Variants in CEP128 observed in about 807,000 individuals in gnomAD.
CEP128 encodes the protein centrosomal protein 128.
A neutral mutation model predicts 156.7 loss-of-function variants in CEP128; 132 were observed. That is an observed-to-expected ratio of 0.84 (90% CI 0.73 to 0.97). CEP128 has a LOEUF of 0.97. CEP128 is among the 50% of genes least tolerant of loss of function. CEP128 has a pLI of 0.00. For missense variants in CEP128, 1,252 were observed against 1,281.9 expected (o/e 0.98, Z 0.36); for synonymous variants, 469 against 448.9 (o/e 1.04, Z -0.57).
chr14:80,536,123 A>G (rs965598487), intron 21 of CEP128, among the ~76,000 whole-genome samples: 3 of 152,122 alleles, frequency 2.0e-5, no homozygotes, highest in Non-Finnish European at 2.9e-5. Context: ...TTTATTTCTG[A>G]CTGCAGGGAA....
At chr14:80,933,508 T>C (rs893830867) in intron 2 of CEP128, among the ~76,000 whole-genome samples, 2 of 152,184 alleles carry the variant, frequency 1.3e-5, no homozygotes, top group Admixed American at 1.3e-4. Context: ...TGTGAGCCTC[T>C]GCCAGCTGTA....
At chr14:80,533,327 T>C (rs2140284339) in intron 21 of CEP128, among the ~76,000 whole-genome samples, 1 of 152,288 alleles carries the variant, frequency 6.6e-6, no homozygotes. Flanking sequence ...AAAACTTTAT[T>C]TCCTTTTTTT....
At chr14:80,848,548 C>T (rs956009182) in intron 9 of CEP128, among the ~76,000 whole-genome samples, 3 of 151,964 alleles carry the variant, frequency 2.0e-5, no homozygotes, top group African/African-American at 7.3e-5. Flanking sequence ...GTAATTCCAA[C>T]TATTCAGGAG....
intron 20 of CEP128, among the ~76,000 whole-genome samples, chr14:80,579,556 A>G (rs908721476): frequency 6.6e-6 from 1 of 152,106 alleles, no homozygotes; most frequent in African/African-American, 2.4e-5. Context: ...CCTATCTTTC[A>G]TTTGCCAAAA....
At chr14:80,957,638 G>C (rs950858106) in intron 2 of CEP128, among the ~76,000 whole-genome samples, 8 of 152,182 alleles carry the variant, frequency 5.3e-5, no homozygotes, top group Non-Finnish European at 1.2e-4. Context: ...CAGTGAAAAG[G>C]AACTCGTAGA....
At chr14:80,846,828 A>G (rs751375556) in intron 9 of CEP128, among the ~76,000 whole-genome samples, 5 of 152,196 alleles carry the variant, frequency 3.3e-5, no homozygotes, top group African/African-American at 4.8e-5. Context: ...AATGAATCCA[A>G]AAGCTAACAG....
chr14:80,660,385 G>T (rs716483), intron 19 of CEP128, among the ~76,000 whole-genome samples: 3,986 of 152,210 alleles, frequency 0.026, 171 homozygotes, highest in African/African-American at 0.091. Context: ...AAATGCCATA[G>T]GTGATATCAA....
upstream of CEP128, among the ~76,000 whole-genome samples, chr14:80,943,990 T>A (rs1427099916): frequency 7.6e-6 from 1 of 132,448 alleles, no homozygotes; most frequent in African/African-American, 2.9e-5. Flanking sequence ...TAAGACTCCA[T>A]CTCAAAAAAA....
At chr14:80,927,866 A>G (rs949109104) in intron 2 of CEP128, among the ~76,000 whole-genome samples, 9 of 152,204 alleles carry the variant, frequency 5.9e-5, no homozygotes, top group Non-Finnish European at 1.3e-4. Context: ...TTTTAAGTGC[A>G]TACCTCTGAG....
chr14:80,521,768 T>G (rs1208892789), intron 23 of CEP128, among the ~76,000 whole-genome samples: 1 of 152,228 alleles, frequency 6.6e-6, no homozygotes, highest in Non-Finnish European at 1.5e-5. Flanking sequence ...TTAACATGTA[T>G]TGTACACTCA....
chr14:80,492,379 A>G (rs1296596612), downstream of CEP128, among the ~76,000 whole-genome samples: 1 of 152,174 alleles, frequency 6.6e-6, no homozygotes, highest in East Asian at 1.9e-4. Flanking sequence ...TGTTTCATGT[A>G]TTAATCTCAC....
At chr14:80,574,957 G>A (rs1218508502) in intron 20 of CEP128, among the ~76,000 whole-genome samples, 1 of 151,920 alleles carries the variant, frequency 6.6e-6, no homozygotes, top group Admixed American at 6.6e-5. Context: ...AAATGATTAT[G>A]GGTCATCTGA....
chr14:80,778,193 G>A, intron 15 of CEP128, 147 bp from the exon 16 acceptor site: 1 of 683,002 alleles, frequency 1.5e-6, no homozygotes. Flanking sequence ...TAAACACAAA[G>A]GAAATGTTCT....
At chr14:80,769,770 TG>T (rs1333586789) in intron 16 of CEP128, among the ~76,000 whole-genome samples, 1 of 152,230 alleles carries the variant, frequency 6.6e-6, no homozygotes, top group African/African-American at 2.4e-5. Context: ...TATTGATTAT[TG>T]CTTGTTCAAC....
intron 19 of CEP128, among the ~76,000 whole-genome samples, chr14:80,738,994 G>T (rs780033108): frequency 6.6e-6 from 1 of 152,200 alleles, no homozygotes; most frequent in Non-Finnish European, 1.5e-5. Context: ...GAAGCAGGTT[G>T]CCAAAAATAC....
downstream of CEP128, among the ~76,000 whole-genome samples, chr14:80,492,324 A>G (rs575674859): frequency 6.6e-6 from 1 of 152,324 alleles, no homozygotes; most frequent in South Asian, 2.1e-4. Flanking sequence ...AGCCTTTCAC[A>G]CCTGGTTAAT....
intron 16 of CEP128, among the ~76,000 whole-genome samples, chr14:80,775,829 TTTTTA>T (rs1358805199): frequency 6.6e-6 from 1 of 152,224 alleles, no homozygotes; most frequent in Non-Finnish European, 1.5e-5. Flanking sequence ...CAGCATGTAT[TTTTTA>T]TTTTTTTATT....
chr14:80,678,049 A>AAAAAAAAT, intron 19 of CEP128, among the ~76,000 whole-genome samples: 2 of 98,502 alleles, frequency 2.0e-5, no homozygotes, highest in Non-Finnish European at 5.2e-5. Context: ...ATAAAAAAAA[A>AAAAAAAAT]ATATATATAT....
intron 13 of CEP128, among the ~76,000 whole-genome samples, chr14:80,824,591 A>G (rs12590579): frequency 0.19 from 29,154 of 152,054 alleles, 3,462 homozygotes; most frequent in East Asian, 0.45. Flanking sequence ...GGAGCAATAT[A>G]CCACCTGTCT....
Sources: allele counts gnomAD v4.1 joint callset (sites outside exome capture counted in the v4.1 genomes callset), GRCh38; gene constraint gnomAD v4.1.1; transcripts MANE v1.5; gene names NCBI Gene and HGNC (gene_info 2026-07-23, HGNC 2026-07-21).